CCDC120: variants seen among roughly 807,000 people sequenced by gnomAD.
The protein encoded by CCDC120 is coiled-coil domain containing 120.
A neutral mutation model predicts 37.6 loss-of-function variants in CCDC120; 16 were observed. That is an observed-to-expected ratio of 0.43 (90% confidence interval 0.29 to 0.65). The LOEUF (loss-of-function observed/expected upper bound fraction) is 0.65. Among genes scored for constraint, CCDC120 ranks in the 30% least tolerant of loss-of-function variants. CCDC120 has a pLI of 0.18. For missense variants in CCDC120, 650 were observed against 657.4 expected, an observed-to-expected ratio of 0.99 and a Z score of 0.12; for synonymous variants, 309 against 275.4, an observed-to-expected ratio of 1.12 and a Z score of -1.21.
At chrX:49,057,939 C>T (rs1557078662), upstream of CCDC120, among the ~76,000 whole-genome samples, 1 of 111,646 alleles carries the variant, frequency 9.0e-6, no homozygotes, top group African/African-American at 3.3e-5. Flanking sequence ...GCTCTCATTT[C>T]CTTCTCTGGC....
chrX:49,064,302 C>A, intron 5 of CCDC120, 68 bp from the exon 6 acceptor site: 1 of 1,072,931 alleles, frequency 9.3e-7, no homozygotes, highest in Non-Finnish European at 1.2e-6. Context: ...GCAGGCCAGC[C>A]TCTACTGGGT....
intron 1 of CCDC120, among the ~76,000 whole-genome samples, chrX:49,060,599 G>A (rs2064875853): frequency 9.1e-6 from 1 of 110,274 alleles, no homozygotes; most frequent in Admixed American, 9.7e-5. Context: ...AATGGGGGCT[G>A]GGAAAGTTGG....
Position 49,067,976 on chromosome X carries a change from A to T in CCDC120, c.1862A>T (p.His621Leu). 3 of 1,153,805 alleles carry T rather than the reference A, an allele frequency of 2.6e-6. No homozygotes were observed. Among genetic ancestry groups the T allele is most frequent in the Non-Finnish European group, 3.5e-6 (3 of 864,934 alleles). Residue 621 changes from histidine to leucine, a missense_variant, in exon 10 of 11, where the codon CAC (histidine) becomes CTC (leucine). This residue lies in a region of CCDC120 where 576 missense variants were observed against 565.3 expected (regional missense o/e 1.02). Transcript: ENST00000603986. ...GTGCTCCCTTCCGTGGGCCCGCCAC[A>T]CCCACCCTTCCTCCATGCCCGCTGC... ...RPVLPSVGPP[H>L]PPFLHARCYE...
rs782127716 is a variant in CCDC120, at chrX:49,064,470, AGCGCCG to A, written c.542_547del (p.Arg181_Arg182del). Reference sequence around the variant, plus strand: ...TTGGCCCCTGATCTGAGCACCGAGCAGCGCCGGCGCCGGCGCCAGGTCCAGGCAGAT... The same window carrying A: ...TTGGCCCCTGATCTGAGCACCGAGCAGCGCCGGCGCCAGGTCCAGGCAGAT... On this transcript the variant is annotated inframe_deletion, in exon 6 of 11. Coordinates refer to ENST00000603986, the MANE Select transcript of CCDC120 (RefSeq NM_001163321.4). 15 of 1,179,822 alleles carry A rather than the reference AGCGCCG, an allele frequency of 1.3e-5. No individual in the cohort carries two copies. Among genetic ancestry groups the A allele is most frequent in the South Asian group, 3.7e-5 (2 of 53,546 alleles).
chrX:49,062,502 G>A lies in CCDC120; in HGVS notation c.189G>A (p.Lys63=), dbSNP rs782018905. ...ALFGEAAPQV[K]SERLRGLLDR... ...TCGGAGAGGCTGCCCCCCAGGTGAA[G>A]TCAGAGCGTCTGCGGGGGCTGCTTG... Residue 63 remains lysine (K), a synonymous_variant, in exon 4 of 11, where the codon AAG becomes AAA. Coordinates refer to ENST00000603986, the MANE Select transcript of CCDC120 (RefSeq NM_001163321.4). 1.7e-6 allele frequency: 2 copies of A among 1,210,803 alleles called. No homozygotes were observed. Among genetic ancestry groups the A allele is most frequent in the South Asian group, 3.5e-5 (2 of 56,910 alleles).
At position 49,061,987 on chromosome X, in the gene CCDC120, C is replaced by T. The variant is rs2064890643; in HGVS notation, c.-55C>T. The T allele has an allele frequency of 3.5e-6, 4 of 1,150,570 alleles. No homozygotes were observed. Among genetic ancestry groups the T allele is most frequent in the Non-Finnish European group, 4.6e-6 (4 of 870,030 alleles). 94.8% of individuals were successfully genotyped at this position (1,150,570 alleles called of 1,213,427 possible). On this transcript the variant is annotated 5_prime_UTR_variant, in exon 2 of 11. Transcript: ENST00000603986. ...AGACTCGTGGCTGTGACCCATGGGCCTCTGAGGAGGCGTTGTAAGTCCGCC... is the reference window on the plus strand; with the variant it reads ...AGACTCGTGGCTGTGACCCATGGGCTTCTGAGGAGGCGTTGTAAGTCCGCC...
In CCDC120 at chrX:49,067,376, C is replaced by T. The variant is rs1557081608; in HGVS notation, c.1262C>T (p.Ser421Phe). 12 of 1,197,186 alleles carry T rather than the reference C, an allele frequency of 1.0e-5. No individual in the cohort carries two copies. The highest frequency in any genetic ancestry group is 5.3e-5 in the African/African-American group (3 of 56,984). ...SPPAPLAPSA[S>F]GPPVCKSSEV... ...CCTGCCCCTCTGGCTCCCTCTGCCT[C>T]TGGCCCCCCAGTCTGCAAGAGCAGT... is the stretch of plus-strand genomic sequence containing the variant. The change falls in exon 10 of 11, where the codon TCT becomes TTT. Residue 421 changes from serine (S) to phenylalanine (F), a missense_variant. Physicochemically the swap from Ser to Phe is radical, Grantham distance 155 (BLOSUM62 -2). This residue lies in a region of CCDC120 where 576 missense variants were observed against 565.3 expected (regional missense o/e 1.02). Transcript: ENST00000603986.
At chrX:49,059,781 G>A (rs1283518118) in intron 1 of CCDC120, among the ~76,000 whole-genome samples, 3 of 108,577 alleles carry the variant, frequency 2.8e-5, no homozygotes, top group Admixed American at 9.7e-5. Flanking sequence ...CTGCTCTCCC[G>A]CTGCAGCTGG....
chrX:49,055,792 T>C (rs2064826333), upstream of CCDC120, among the ~76,000 whole-genome samples: 1 of 111,891 alleles, frequency 8.9e-6, no homozygotes, highest in African/African-American at 3.3e-5. Context: ...TCCAAACCTA[T>C]TGATAACAAA....
intron 3 of CCDC120, 23 bp downstream of exon 3, chrX:49,062,348 G>A (rs2064895607): frequency 8.3e-7 from 1 of 1,205,891 alleles, no homozygotes; most frequent in African/African-American, 1.7e-5. Context: ...TTCCCCTCCT[G>A]CTGCCTCCTC....
intron 1 of CCDC120, 165 bp from the exon 2 acceptor site, chrX:49,061,792 CTG>C (rs781835106): frequency 6.0e-6 from 3 of 503,134 alleles, no homozygotes; most frequent in Non-Finnish European, 9.4e-6. Context: ...TATTTCACCT[CTG>C]TGCCTTCCTT....
At position 49,067,811 on chromosome X, in the gene CCDC120, A is replaced by G; in HGVS notation, c.1697A>G (p.Asn566Ser). The G allele has an allele frequency of 8.4e-7, 1 of 1,188,529 alleles. No individual in the cohort carries two copies. Among genetic ancestry groups the G allele is most frequent in the Non-Finnish European group, 1.1e-6 (1 of 883,236 alleles). The change falls in exon 10 of 11, where the codon AAC (asparagine) becomes AGC (serine). Residue 566 changes from asparagine (N) to serine (S), a missense_variant. Asn to Ser is a conservative substitution (Grantham distance 46). Around this residue, in one of 3 missense-constraint regions of CCDC120, gnomAD observed 576 missense variants for 565.3 expected, o/e 1.02. Transcript: ENST00000603986. ...GCCGAAGGCCCTGAGGTGCATCCAA[A>G]CCCTCTGCTGTGGATGCCCCCACCC... is the stretch of plus-strand genomic sequence containing the variant. The part of the protein sequence containing the change: ...EAAEGPEVHP[N>S]PLLWMPPPTR...
At chrX:49,057,032 C>G (rs2064835991), upstream of CCDC120, among the ~76,000 whole-genome samples, 1 of 111,922 alleles carries the variant, frequency 8.9e-6, no homozygotes, top group Admixed American at 9.5e-5. Flanking sequence ...GGGTTGAATC[C>G]CAGACTCACC....
chrX:49,057,970 G>A (rs782639333), upstream of CCDC120, among the ~76,000 whole-genome samples: 5 of 111,867 alleles, frequency 4.5e-5, no homozygotes, highest in Admixed American at 2.8e-4. Context: ...ACTCTCTGAA[G>A]AAGAGAGACC....
intron 3 of CCDC120, 70 bp downstream of exon 3, chrX:49,062,395 G>A (rs781852609): frequency 6.6e-6 from 8 of 1,209,779 alleles, no homozygotes; most frequent in Non-Finnish European, 9.0e-6. Context: ...CTCGGGAAGA[G>A]TTGGTCCCTT....
upstream of CCDC120, among the ~76,000 whole-genome samples, chrX:49,054,547 T>C (rs1243767004): frequency 1.8e-5 from 2 of 111,099 alleles, no homozygotes; most frequent in Non-Finnish European, 1.9e-5. Context: ...CTATCCTCAT[T>C]GTGTCCTGGT....
At chrX:49,060,533 T>C (rs782457660) in intron 1 of CCDC120, among the ~76,000 whole-genome samples, 5 of 105,781 alleles carry the variant, frequency 4.7e-5, no homozygotes, top group Non-Finnish European at 9.7e-5. Context: ...TGGAGTTGGG[T>C]TCCTGTGGGG....
In CCDC120 at chrX:49,068,727, T is replaced by C. The variant is rs1557082388; in HGVS notation, c.*69T>C. 1 of 1,002,294 alleles carries C rather than the reference T, an allele frequency of 1.0e-6. No homozygotes were observed. The highest frequency in any genetic ancestry group is 2.0e-5 in the African/African-American group (1 of 50,027). 82.6% of individuals were successfully genotyped at this position (1,002,294 alleles called of 1,213,427 possible). On this transcript the variant is annotated 3_prime_UTR_variant, in exon 11 of 11. Transcript: ENST00000603986. ...CTGGGGAGCACACAGCTGACCTCGC[T>C]GGGCCCTGGGGTGTGGTTGCTCTCA...
At position 49,067,715 on chromosome X, in the gene CCDC120, C is replaced by T. The variant is rs782715749; in HGVS notation, c.1601C>T (p.Pro534Leu). Reference sequence around the variant, plus strand: ...GTGTATGCAGCTGACAGCAACAGCCCCCTCCTCCGCACCAAGGACCCCCAC... The same window carrying T: ...GTGTATGCAGCTGACAGCAACAGCCTCCTCCTCCGCACCAAGGACCCCCAC... Reference protein sequence around the residue: ...PPVYAADSNSPLLRTKDPHTR... With the variant: ...PPVYAADSNSLLLRTKDPHTR... The change falls in exon 10 of 11, where the codon CCC becomes CTC. Residue 534 changes from proline to leucine, a missense_variant. Coordinates refer to ENST00000603986, the MANE Select transcript of CCDC120 (RefSeq NM_001163321.4). The T allele has an allele frequency of 1.7e-6, 2 of 1,195,585 alleles. No individual in the cohort carries two copies. Among genetic ancestry groups the T allele is most frequent in the Admixed American group, 2.2e-5 (1 of 45,333 alleles).
Sources: gnomAD v4.1 joint callset for allele counts (sites outside exome capture counted in the v4.1 genomes callset) on GRCh38, gnomAD v4.1.1 for gene constraint, gnomAD v4.1.1 regional missense constraint, MANE v1.5 for transcripts, NCBI Gene and HGNC (gene_info 2026-07-23, HGNC 2026-07-21) for gene names.